Variants in WNK1 observed in about 807,000 individuals in gnomAD.
WNK1 encodes WNK lysine deficient protein kinase 1.
Under a neutral mutation model 222.8 loss-of-function variants are expected in WNK1, and 38 were observed. The ratio of observed to expected loss-of-function variants is 0.17; its 90% CI spans 0.13 to 0.22. WNK1 has a LOEUF of 0.22. Among genes scored for constraint, WNK1 ranks in the 10% least tolerant of loss-of-function variants. The pLI, the probability that WNK1 is intolerant of heterozygous loss-of-function variation, is 1.00. For synonymous variants in WNK1, 1,090 were observed against 1,092.9 expected (o/e 1.00, Z 0.05); for missense variants, 2,348 against 2,918.4 (o/e 0.80, Z 4.50).
At chr12:857,390 G>T (rs927760210) in intron 5 of WNK1, 141 bp downstream of exon 5, 6 of 835,666 alleles carry the variant, frequency 7.2e-6, no homozygotes, top group Non-Finnish European at 4.0e-6. Context: ...TTAAAGGTAG[G>T]GTTTTGTTCA....
At chr12:766,202 A>C (rs753428267) in intron 1 of WNK1, among the ~76,000 whole-genome samples, 1 of 152,234 alleles carries the variant, frequency 6.6e-6, no homozygotes, top group African/African-American at 2.4e-5. Flanking sequence ...ACCATTATGC[A>C]GTATATCCAT....
chr12:760,284 T>G (rs184694225), intron 1 of WNK1, among the ~76,000 whole-genome samples: 3 of 147,890 alleles, frequency 2.0e-5, no homozygotes, highest in Non-Finnish European at 4.5e-5. Flanking sequence ...TGAAATTGTT[T>G]ATATATTTTG....
In WNK1 at chr12:911,114, C is replaced by A. The variant is rs1423892937; in HGVS notation, c.*2322C>A. On this transcript the variant is annotated 3_prime_UTR_variant, in exon 28 of 28. Transcript: ENST00000315939. ...AACTGGTGTTATTTACTGTTGATTTCATCCTCCTGTGTATGAAATAACAAG... is the reference window on the plus strand; with the variant it reads ...AACTGGTGTTATTTACTGTTGATTTAATCCTCCTGTGTATGAAATAACAAG... 3 of 394,682 alleles carry A rather than the reference C, an allele frequency of 7.6e-6. No homozygotes were observed. The Admixed American group carries it at 1.3e-4, about 17-fold the overall frequency. 24.4% of individuals were successfully genotyped at this position (394,682 alleles called of 1,614,324 possible).
Position 908,128 on chromosome 12 carries a change from A to G in WNK1, c.6831+94A>G, listed in dbSNP as rs1955858672. On this transcript the variant is annotated intron_variant, in intron 27 of 27. Coordinates refer to ENST00000315939, the MANE Select transcript of WNK1 (RefSeq NM_018979.4). ...CTGCTGCTTAACGTCTTACGCCACG[A>G]CCTTCTTCAATTTTAATACTTTAGA... 4 of 1,431,856 alleles carry G rather than the reference A, an allele frequency of 2.8e-6. No individual in the cohort carries two copies. The South Asian group carries it at 4.8e-5, about 17-fold the overall frequency. 88.7% of individuals were successfully genotyped at this position (1,431,856 alleles called of 1,614,324 possible). A position where few individuals can be genotyped will look rare whatever the true frequency, so the allele number is the denominator to read the frequency against.
chr12:871,144 G>A (rs1952110745), intron 8 of WNK1, 121 bp from the exon 9 acceptor site: 4 of 932,820 alleles, frequency 4.3e-6, no homozygotes, highest in South Asian at 4.2e-5. Flanking sequence ...ACATAATCAG[G>A]TTAATGTTTC....
Position 884,532 on chromosome 12 carries a change from C to A in WNK1, c.3845-117C>A. 9.2e-7 allele frequency: 1 copy of A among 1,090,284 alleles called. No homozygotes were observed. The highest frequency in any genetic ancestry group is 1.4e-6 in the Non-Finnish European group (1 of 737,882). The allele number at this position is 1,090,284 out of a possible 1,614,324, so 67.5% of individuals were successfully genotyped here. On this transcript the variant is annotated intron_variant, in intron 18 of 27. Transcript: ENST00000315939. The surrounding 1 kb of genome is among the most constrained non-coding windows in gnomAD (Gnocchi z 5.6). ...TACTGTTGTCTATGTTTTAAGATTA[C>A]TCCATATTTTTTATCAAAAACAGAT...
intron 6 of WNK1, among the ~76,000 whole-genome samples, chr12:860,449 A>G (rs1458821645): frequency 6.6e-6 from 1 of 152,252 alleles, no homozygotes; most frequent in Admixed American, 6.5e-5. Context: ...CGGATTTATC[A>G]GAACCATTCA....
At chr12:863,091 A>C (rs1951342023) in intron 8 of WNK1, among the ~76,000 whole-genome samples, 1 of 151,616 alleles carries the variant, frequency 6.6e-6, no homozygotes, top group African/African-American at 2.4e-5. Context: ...GAAAGGTATT[A>C]GAAAATAAGT....
chr12:824,351 T>A (rs139552369), intron 2 of WNK1, among the ~76,000 whole-genome samples: 1,541 of 152,218 alleles, frequency 0.01, 28 homozygotes, highest in African/African-American at 0.035. Flanking sequence ...TCACCAAACT[T>A]AGCTTCTCTG....
chr12:791,700 A>C (rs1019422169), intron 1 of WNK1, among the ~76,000 whole-genome samples: 3 of 152,220 alleles, frequency 2.0e-5, no homozygotes, highest in Non-Finnish European at 4.4e-5. Context: ...TAAAATTGTC[A>C]TTTACAGCTT....
chr12:771,768 T>G (rs1942535684), intron 1 of WNK1, among the ~76,000 whole-genome samples: 1 of 152,178 alleles, frequency 6.6e-6, no homozygotes, highest in East Asian at 1.9e-4. Flanking sequence ...TTGTAATATA[T>G]TTGAGATGGC....
At chr12:838,279 G>T (rs2154035937) in intron 4 of WNK1, among the ~76,000 whole-genome samples, 1 of 152,222 alleles carries the variant, frequency 6.6e-6, no homozygotes, top group South Asian at 2.1e-4. Flanking sequence ...AAATTACCAT[G>T]TGTATATGCT....
chr12:848,186 T>C (rs1311512015), intron 4 of WNK1, among the ~76,000 whole-genome samples: 1 of 152,216 alleles, frequency 6.6e-6, no homozygotes, highest in Non-Finnish European at 1.5e-5. Flanking sequence ...TCTGGTTTAT[T>C]CTAGATCTGT....
intron 1 of WNK1, among the ~76,000 whole-genome samples, chr12:761,947 A>G (rs1208967214): frequency 1.4e-5 from 2 of 147,556 alleles, no homozygotes; most frequent in African/African-American, 4.9e-5. Flanking sequence ...GGTTCCAGAC[A>G]GCCCCCACCC....
chr12:782,995 C>T (rs1490860533), intron 1 of WNK1, among the ~76,000 whole-genome samples: 1 of 151,880 alleles, frequency 6.6e-6, no homozygotes, highest in Non-Finnish European at 1.5e-5. Flanking sequence ...CTTCGAACTC[C>T]TGGGCTTAAG....
intron 4 of WNK1, among the ~76,000 whole-genome samples, chr12:834,250 A>G (rs1368486898): frequency 6.6e-6 from 1 of 152,178 alleles, no homozygotes; most frequent in African/African-American, 2.4e-5. Flanking sequence ...GGACAAATCA[A>G]TTGCTACTTA....
At chr12:809,937 A>C (rs1460158380) in intron 1 of WNK1, among the ~76,000 whole-genome samples, 1 of 152,160 alleles carries the variant, frequency 6.6e-6, no homozygotes, top group Non-Finnish European at 1.5e-5. Context: ...AATACCCAAC[A>C]ACAATTAGTA....
intron 1 of WNK1, among the ~76,000 whole-genome samples, chr12:772,231 G>A (rs1176841967): frequency 6.6e-6 from 1 of 152,186 alleles, no homozygotes; most frequent in Non-Finnish European, 1.5e-5. Flanking sequence ...TTGTTACTGT[G>A]TATGACACAC....
chr12:861,460 A>G (rs1351208722), intron 7 of WNK1, 117 bp downstream of exon 7: 1 of 915,758 alleles, frequency 1.1e-6, no homozygotes, highest in Non-Finnish European at 1.7e-6. Context: ...CTATTATACA[A>G]AATTTGAAAT....
Sources: allele counts gnomAD v4.1 joint callset (sites outside exome capture counted in the v4.1 genomes callset), GRCh38; gene constraint gnomAD v4.1.1; non-coding constraint Gnocchi (gnomAD v3.1); transcripts MANE v1.5; gene names NCBI Gene and HGNC (gene_info 2026-07-23, HGNC 2026-07-21).